The following RIMS2 variants were observed in gnomAD, a reference collection of about 807,000 sequenced individuals.
The protein encoded by RIMS2 is regulating synaptic membrane exocytosis 2, also known as regulating synaptic membrane exocytosis protein 2.
RIMS2 carries 59 observed loss-of-function variants against 174.4 expected under a neutral mutation model. The observed-to-expected ratio is 0.34, with a 90% CI of 0.27 to 0.42. The LOEUF is 0.42. Among genes scored for constraint, RIMS2 ranks in the 10% least tolerant of loss-of-function variants. RIMS2 has a pLI of 1.00. For missense variants in RIMS2, 1,620 were observed against 1,666.3 expected (o/e 0.97, Z 0.48); for synonymous variants, 606 against 572.5 (o/e 1.06, Z -0.84).
chr8:103,731,249 T>G (rs560366222), intron 2 of RIMS2, among the ~76,000 whole-genome samples: 1 of 152,324 alleles, frequency 6.6e-6, no homozygotes, highest in African/African-American at 2.4e-5. Flanking sequence ...AAAGGTTTTT[T>G]TTCTTTCCCA....
chr8:103,961,157 T>G (rs1306673192), intron 15 of RIMS2, 24 bp downstream of exon 17: 4 of 1,043,846 alleles, frequency 3.8e-6, no homozygotes, highest in Non-Finnish European at 6.0e-6. Flanking sequence ...AATTATTTTA[T>G]AGTATTAAAA....
chr8:104,113,270 A>G (rs963743089), intron 19 of RIMS2, among the ~76,000 whole-genome samples: 6 of 152,156 alleles, frequency 3.9e-5, no homozygotes, highest in Admixed American at 3.9e-4. Flanking sequence ...TCCAGTTTGT[A>G]TCTAAATGTG....
intron 2 of RIMS2, among the ~76,000 whole-genome samples, chr8:103,758,551 A>G (rs1442276391): frequency 6.6e-6 from 1 of 152,144 alleles, no homozygotes; most frequent in Non-Finnish European, 1.5e-5. Context: ...GTCATTTCAC[A>G]TGCAGCACTT....
At position 103,565,939 on chromosome 8, in the gene RIMS2, A is replaced by G. The variant is rs142739693; in HGVS notation, c.176+64877A>G. ...TACTCAGGAGAGTATGTTATGCCCA[A>G]TATGTTTGGGGTTTGTCAAAACCAA... On this transcript the variant is annotated intron_variant, in intron 1 of 23. Transcript: ENST00000504942. Among the ~76,000 whole-genome samples, 335 of 152,300 alleles carry G rather than the reference A, an allele frequency of 2.2e-3. 2 individuals carry two copies. The highest frequency in any genetic ancestry group is 3.2e-3 in the Non-Finnish European group (217 of 68,006).
intron 19 of RIMS2, among the ~76,000 whole-genome samples, chr8:104,146,743 A>G (rs983019713): frequency 6.6e-6 from 1 of 152,108 alleles, no homozygotes; most frequent in African/African-American, 2.4e-5. Flanking sequence ...CTCTGTCATC[A>G]AAGCTGGAGT....
intron 10 of RIMS2, chr8:103,922,734 T>C (rs903695783): frequency 3.3e-6 from 1 of 307,296 alleles, no homozygotes; most frequent in Non-Finnish European, 6.9e-6. Flanking sequence ...TCTCCTTTGG[T>C]TTTTTTTGGG....
chr8:104,125,716 T>C (rs2132589739), intron 19 of RIMS2, among the ~76,000 whole-genome samples: 1 of 152,300 alleles, frequency 6.6e-6, no homozygotes, highest in East Asian at 1.9e-4. Context: ...GTCTCCAGTT[T>C]GAAAACAAAT....
intron 3 of RIMS2, among the ~76,000 whole-genome samples, chr8:103,782,199 C>T (rs757991043): frequency 1.5e-4 from 23 of 150,876 alleles, no homozygotes; most frequent in South Asian, 6.3e-4. Context: ...AGAATATATA[C>T]GTACACTATA....
At chr8:103,932,440 C>CA (rs1160742549) in intron 12 of RIMS2, among the ~76,000 whole-genome samples, 2 of 152,156 alleles carry the variant, frequency 1.3e-5, no homozygotes, top group Non-Finnish European at 2.9e-5. Context: ...CAGGATATAT[C>CA]AAGATGCCAC....
intron 2 of RIMS2, among the ~76,000 whole-genome samples, chr8:103,714,167 A>T (rs765426826): frequency 6.6e-6 from 1 of 152,116 alleles, no homozygotes; most frequent in Admixed American, 6.6e-5. Flanking sequence ...GTAGGCTTCT[A>T]TGTTTTGGCA....
At chr8:103,610,476 A>C (rs1374130563) in intron 1 of RIMS2, among the ~76,000 whole-genome samples, 1 of 152,024 alleles carries the variant, frequency 6.6e-6, no homozygotes, top group Non-Finnish European at 1.5e-5. Flanking sequence ...TTTGTCATAG[A>C]TGGTTCTTAT....
intron 19 of RIMS2, among the ~76,000 whole-genome samples, chr8:104,203,259 T>C (rs555560571): frequency 2.0e-5 from 3 of 152,230 alleles, no homozygotes; most frequent in Admixed American, 2.0e-4. Context: ...ATGTATTATG[T>C]GCAGAAAAGA....
chr8:103,858,390 G>C (rs534721101), intron 3 of RIMS2, among the ~76,000 whole-genome samples: 17 of 152,194 alleles, frequency 1.1e-4, no homozygotes, highest in African/African-American at 4.1e-4. Context: ...ATTGGGTACA[G>C]CTAGCCAACT....
intron 1 of RIMS2, among the ~76,000 whole-genome samples, chr8:103,582,445 C>T (rs1331291185): frequency 6.6e-6 from 1 of 152,072 alleles, no homozygotes; most frequent in Non-Finnish European, 1.5e-5. Flanking sequence ...ACCTTAGGTG[C>T]CAACATAGCC....
intron 1 of RIMS2, among the ~76,000 whole-genome samples, chr8:103,656,621 G>A (rs1390926264): frequency 6.6e-6 from 1 of 152,182 alleles, no homozygotes; most frequent in Non-Finnish European, 1.5e-5. Flanking sequence ...GAGCATGAAA[G>A]TTGTCACTGC....
At chr8:103,640,507 A>G (rs751009624) in intron 1 of RIMS2, among the ~76,000 whole-genome samples, 20 of 152,030 alleles carry the variant, frequency 1.3e-4, no homozygotes, top group Non-Finnish European at 2.5e-4. Context: ...AAATGCTAGA[A>G]ATTTTCATCT....
chr8:104,244,588 C>T (rs2099320316), intron 19 of RIMS2, among the ~76,000 whole-genome samples: 1 of 152,080 alleles, frequency 6.6e-6, no homozygotes, highest in South Asian at 2.1e-4. Flanking sequence ...ATAAATTAAC[C>T]TGCATTTAAG....
intron 1 of RIMS2, among the ~76,000 whole-genome samples, chr8:103,643,591 A>G (rs78796376): frequency 0.03 from 4,557 of 152,142 alleles, 75 homozygotes; most frequent in African/African-American, 0.046. Flanking sequence ...GTGGTGTCAG[A>G]GGCTAAAATT....
chr8:104,171,954 C>T (rs551652612), intron 19 of RIMS2, among the ~76,000 whole-genome samples: 6 of 152,060 alleles, frequency 3.9e-5, no homozygotes, highest in Non-Finnish European at 8.8e-5. Flanking sequence ...GTTGGCTTTC[C>T]CAAATGCTGC....
Sources: gnomAD v4.1 joint callset for allele counts (sites outside exome capture counted in the v4.1 genomes callset) on GRCh38, gnomAD v4.1.1 for gene constraint, MANE v1.5 for transcripts, NCBI Gene and HGNC (gene_info 2026-07-23, HGNC 2026-07-21) for gene names.